The following LRRFIP1 variants were observed in gnomAD, a reference collection of about 807,000 sequenced individuals.
LRRFIP1 encodes LRR binding FLII interacting protein 1.
In LRRFIP1, 62 loss-of-function variants were observed where a neutral mutation model predicts 104.4. The observed-to-expected ratio is 0.59, with a 90% CI of 0.48 to 0.73. The LOEUF is 0.73. Among genes scored for constraint, LRRFIP1 ranks in the 30% least tolerant of loss-of-function variants. The pLI is 0.00. For missense variants in LRRFIP1, 796 were observed against 824.5 expected (o/e 0.97, Z 0.42); for synonymous variants, 300 against 299.0 (o/e 1.00, Z -0.03).
intron 2 of LRRFIP1, among the ~76,000 whole-genome samples, chr2:237,710,319 T>C (rs2094007881): frequency 6.6e-6 from 1 of 151,990 alleles, no homozygotes; most frequent in South Asian, 2.1e-4. Flanking sequence ...AATCTTGCTT[T>C]GTCGCCCAGG....
At chr2:237,702,352 C>A (rs1250815862) in intron 1 of LRRFIP1, among the ~76,000 whole-genome samples, 1 of 152,158 alleles carries the variant, frequency 6.6e-6, no homozygotes, top group East Asian at 1.9e-4. Flanking sequence ...GCTGTAAGAC[C>A]TAGTTCCTGT....
intron 11 of LRRFIP1, among the ~76,000 whole-genome samples, chr2:237,741,553 C>T (rs187112190): frequency 1.3e-5 from 2 of 152,266 alleles, no homozygotes; most frequent in East Asian, 3.9e-4. Context: ...TATTGCCAGG[C>T]GCGGTGGCTC....
In LRRFIP1 at chr2:237,720,819, G is replaced by A; in HGVS notation, c.342G>A (p.Leu114=). The A allele has an allele frequency of 6.2e-7, 1 of 1,614,048 alleles. No individual in the cohort carries two copies. The highest frequency in any genetic ancestry group is 8.5e-7 in the Non-Finnish European group (1 of 1,179,866). ...TGTCAGTGGGTAGTCGTGGAAGCCT[G>A]AGGGTCAGTAACCAGAATGATGGAG... ...ERMSVGSRGS[L]RSQPDLEYGG... Residue 114 remains leucine, a synonymous_variant, in exon 6 of 24, where the codon CTG becomes CTA. Coordinates refer to ENST00000308482, the MANE Select transcript of LRRFIP1 (RefSeq NM_001137550.2).
rs141485129 is a variant in LRRFIP1 at position 237,751,416 on chromosome 2, C to T, written c.867+145C>T. Reference sequence around the variant, plus strand: ...GAAGAACTCACAATGGCAGGAGTGCCGGCATGGGTGTACACTCACCATTTT... The same window carrying T: ...GAAGAACTCACAATGGCAGGAGTGCTGGCATGGGTGTACACTCACCATTTT... On this transcript the variant is annotated intron_variant, in intron 14 of 23. Transcript: ENST00000308482. 7.6e-4 allele frequency: 497 copies of T among 653,532 alleles called. 2 individuals are homozygous for T. Among genetic ancestry groups the T allele is most frequent in the African/African-American group, 6.9e-3 (377 of 54,656 alleles). 40.5% of individuals were successfully genotyped at this position (653,532 alleles called of 1,614,324 possible).
At chr2:237,777,170 T>C (rs1259876313) in intron 23 of LRRFIP1, among the ~76,000 whole-genome samples, 1 of 152,236 alleles carries the variant, frequency 6.6e-6, no homozygotes, top group Non-Finnish European at 1.5e-5. Flanking sequence ...TATGTATATG[T>C]ACACATGTAC....
At chr2:237,690,509 G>C (rs892917565) in intron 1 of LRRFIP1, among the ~76,000 whole-genome samples, 6 of 152,146 alleles carry the variant, frequency 3.9e-5, no homozygotes, top group African/African-American at 7.2e-5. Context: ...GGCCAAGGCA[G>C]GCAGATCATT....
intron 1 of LRRFIP1, among the ~76,000 whole-genome samples, chr2:237,635,682 G>A (rs2082977420): frequency 6.6e-6 from 1 of 151,996 alleles, no homozygotes; most frequent in South Asian, 2.1e-4. Context: ...TTATTTAGCT[G>A]GGCATGGTGA....
At chr2:237,681,219 T>G (rs374968566) in intron 1 of LRRFIP1, among the ~76,000 whole-genome samples, 1 of 152,236 alleles carries the variant, frequency 6.6e-6, no homozygotes, top group Non-Finnish European at 1.5e-5. Context: ...ACCTGCGTAC[T>G]GTAAAAAGAG....
chr2:237,670,380 A>AT (rs2090143704), intron 1 of LRRFIP1, among the ~76,000 whole-genome samples: 1 of 152,172 alleles, frequency 6.6e-6, no homozygotes, highest in African/African-American at 2.4e-5. Context: ...CCTGGCTGTG[A>AT]TTTTAAGATG....
chr2:237,708,489 T>C, intron 1 of LRRFIP1, 55 bp from the exon 2 acceptor site: 1 of 1,347,972 alleles, frequency 7.4e-7, no homozygotes, highest in Non-Finnish European at 1.0e-6. Flanking sequence ...GCTGACCCTG[T>C]ACTGGGAAGG....
At chr2:237,640,181 C>T (rs1207700477) in intron 1 of LRRFIP1, among the ~76,000 whole-genome samples, 1 of 152,168 alleles carries the variant, frequency 6.6e-6, no homozygotes, top group Non-Finnish European at 1.5e-5. Flanking sequence ...GGGCCACATA[C>T]CCTGGAAGCT....
chr2:237,760,234 A>C (rs1286002690), intron 19 of LRRFIP1, 29 bp downstream of exon 19: 2 of 1,611,412 alleles, frequency 1.2e-6, no homozygotes, highest in Non-Finnish European at 1.7e-6. Context: ...TCGGCTCCTC[A>C]CACCTTTCCA....
At chr2:237,631,500 C>T (rs2082334090) in intron 1 of LRRFIP1, among the ~76,000 whole-genome samples, 1 of 152,218 alleles carries the variant, frequency 6.6e-6, no homozygotes, top group Non-Finnish European at 1.5e-5. Flanking sequence ...TTCTCACTCT[C>T]TTGTTGCAGT....
chr2:237,705,051 A>G (rs1030663429), intron 1 of LRRFIP1, among the ~76,000 whole-genome samples: 1 of 151,958 alleles, frequency 6.6e-6, no homozygotes, highest in African/African-American at 2.4e-5. Context: ...CTGACAGGGC[A>G]TTGTTTTGGA....
At chr2:237,770,323 G>A (rs77481076) in intron 20 of LRRFIP1, 4 of 259,864 alleles carry the variant, frequency 1.5e-5, no homozygotes, top group African/African-American at 8.8e-5. Flanking sequence ...ACTGTTGAGA[G>A]ACAAGAGCAT....
chr2:237,649,697 T>G lies in LRRFIP1; in HGVS notation c.96+21957T>G, dbSNP rs2085586365. On this transcript the variant is annotated intron_variant, in intron 1 of 23. Coordinates refer to ENST00000308482, the MANE Select transcript of LRRFIP1 (RefSeq NM_001137550.2). This position sits in a 1 kb window ranked among gnomAD's most constrained non-coding sequence, Gnocchi z 4.1. ...TCACATGTCACATTTCTCACCGGAG[T>G]CCTCGTCCCATCGCCTCCTCTCTCC... Among the ~76,000 whole-genome samples the G allele has an allele frequency of 6.6e-6, 1 of 151,896 alleles. No individual in the cohort carries two copies. Among genetic ancestry groups the G allele is most frequent in the African/African-American group, 2.4e-5 (1 of 41,416 alleles).
rs1329300654 is a variant in LRRFIP1, at chr2:237,692,364, C to T, written c.97-16180C>T. 5.4e-6 allele frequency: 7 copies of T among 1,298,970 alleles called. No individual in the cohort carries two copies. In the African/African-American group the frequency reaches 1.1e-4, roughly 20 times the overall value. 80.5% of individuals were successfully genotyped at this position (1,298,970 alleles called of 1,614,324 possible). A position where few individuals can be genotyped will look rare whatever the true frequency, so the allele number is the denominator to read the frequency against. On this transcript the variant is annotated intron_variant, in intron 1 of 23. Coordinates refer to ENST00000308482, the MANE Select transcript of LRRFIP1 (RefSeq NM_001137550.2). ...CGGCGAGTGGCTCCGTCTCCGCGGA[C>T]AGAGCGCGCGCCCCCTGGCCCGGCC... is the stretch of plus-strand genomic sequence containing the variant.
At chr2:237,731,864 G>C (rs2095026787) in intron 8 of LRRFIP1, among the ~76,000 whole-genome samples, 1 of 152,118 alleles carries the variant, frequency 6.6e-6, no homozygotes, top group Non-Finnish European at 1.5e-5. Context: ...TGAGCCCTGT[G>C]TGCCCGTGAT....
intron 1 of LRRFIP1, among the ~76,000 whole-genome samples, chr2:237,632,532 G>A (rs776416446): frequency 2.6e-5 from 4 of 152,194 alleles, no homozygotes; most frequent in Non-Finnish European, 5.9e-5. Context: ...CAGGTAGTTC[G>A]TAAATATCGG....
Sources: gnomAD v4.1 joint callset for allele counts (sites outside exome capture counted in the v4.1 genomes callset) on GRCh38, gnomAD v4.1.1 for gene constraint, Gnocchi (gnomAD v3.1) non-coding constraint, MANE v1.5 for transcripts, NCBI Gene and HGNC (gene_info 2026-07-23, HGNC 2026-07-21) for gene names.